The following KDM4A variants were observed in gnomAD, a reference collection of about 807,000 sequenced individuals.
KDM4A encodes the protein lysine demethylase 4A.
In KDM4A, 23 loss-of-function variants were observed where a neutral mutation model predicts 127.1. The observed-to-expected ratio is 0.18, with a 90% CI of 0.13 to 0.26. The LOEUF is 0.26. KDM4A is among the 10% of genes least tolerant of loss of function. KDM4A has a pLI of 1.00. For synonymous variants in KDM4A, 443 were observed against 466.5 expected, an observed-to-expected ratio of 0.95 and a Z score of 0.65; for missense variants, 890 against 1,329.1, an observed-to-expected ratio of 0.67 and a Z score of 5.14.
rs183409515 is a variant in KDM4A, at chr1:43,681,905, A to G, written c.1735-1779A>G. Among the ~76,000 whole-genome samples the G allele has an allele frequency of 2.1e-4, 30 of 141,326 alleles. No homozygotes were observed. The East Asian group carries it at 3.5e-3, about 16-fold the overall frequency. 92.7% of individuals were successfully genotyped at this position (141,326 alleles called of 152,430 possible). A position where few individuals can be genotyped will look rare whatever the true frequency, so the allele number is the denominator to read the frequency against. On this transcript the variant is annotated intron_variant, in intron 11 of 21. Coordinates refer to ENST00000372396, the MANE Select transcript of KDM4A (RefSeq NM_014663.3). ...ACATGCTCCTAAATTTTCTATTTAC[A>G]TGGTTAAGACTGTCGGGCAAGTATG... is the stretch of plus-strand genomic sequence containing the variant.
chr1:43,689,140 T>C lies in KDM4A; in HGVS notation c.2037+45T>C, dbSNP rs558491742. On this transcript the variant is annotated intron_variant, in intron 13 of 21. Transcript: ENST00000372396. Reference sequence around the variant, plus strand: ...TCTGTTTACCCAGGACCAGCAATCATAGGGAAGCTAGATTTAATTGTGAGT... The same window carrying C: ...TCTGTTTACCCAGGACCAGCAATCACAGGGAAGCTAGATTTAATTGTGAGT... 2.1e-5 allele frequency: 34 copies of C among 1,581,694 alleles called. No homozygotes were observed. The East Asian group carries it at 5.6e-4, about 26-fold the overall frequency.
chr1:43,694,747 T>C lies in KDM4A; in HGVS notation c.2523T>C (p.Ala841=). The C allele has an allele frequency of 5.0e-6, 8 of 1,613,400 alleles. No homozygotes were observed. The highest frequency in any genetic ancestry group is 6.8e-6 in the Non-Finnish European group (8 of 1,179,352). Residue 841 remains alanine (A), a synonymous_variant, in exon 18 of 22, where the codon GCT becomes GCC. Transcript: ENST00000372396. This position sits in a 1 kb window ranked among gnomAD's most constrained non-coding sequence, Gnocchi z 5.2. The part of the protein sequence containing the change: ...IFCKKRRKRT[A]GCCVQCSHGR... ...GTAAGAAGCGGAGGAAAAGAACTGC[T>C]GGCTGCTGTGTGCAGTGTTCTCACG... is the stretch of plus-strand genomic sequence containing the variant.
chr1:43,686,686 C>T (rs373787352), intron 12 of KDM4A, among the ~76,000 whole-genome samples: 3 of 152,222 alleles, frequency 2.0e-5, no homozygotes, highest in Admixed American at 2.0e-4. Flanking sequence ...CCTGCATGTC[C>T]CAAGAATGTG....
At chr1:43,659,484 A>C (rs991194141) in intron 3 of KDM4A, among the ~76,000 whole-genome samples, 53 of 151,754 alleles carry the variant, frequency 3.5e-4, no homozygotes, top group African/African-American at 1.2e-3. Context: ...ACGCCCCTCT[A>C]ATTTTTGTAT....
In KDM4A at chr1:43,690,962, G is replaced by A; in HGVS notation, c.2155G>A (p.Asp719Asn). 1 of 1,614,204 alleles carries A rather than the reference G, an allele frequency of 6.2e-7. No individual in the cohort carries two copies. ...CTTCACTTCGACTGGCTGCAGCACG[G>A]ACATCAACCTTTCTACTCCTTATCT... ...MCFTSTGCST[D>N]INLSTPYLEE... The change falls in exon 14 of 22, where the codon GAC becomes AAC. Residue 719 changes from aspartate to asparagine, a missense_variant. Asp to Asn is a conservative substitution (Grantham distance 23, BLOSUM62 1). Transcript: ENST00000372396.
chr1:43,686,263 C>A (rs528823597), intron 12 of KDM4A, among the ~76,000 whole-genome samples: 67 of 140,218 alleles, frequency 4.8e-4, no homozygotes, highest in Non-Finnish European at 8.5e-4. Context: ...GTCTCGAACT[C>A]CTGACCTTGT....
At chr1:43,674,651 G>A (rs532258821) in intron 11 of KDM4A, among the ~76,000 whole-genome samples, 4 of 151,902 alleles carry the variant, frequency 2.6e-5, no homozygotes, top group Admixed American at 1.3e-4. Flanking sequence ...CGAGTAGCTG[G>A]GATTACAGGC....
In KDM4A at chr1:43,694,633, C is replaced by A. The variant is rs1661200163; in HGVS notation, c.2485-76C>A. ...GCTGGCTCTTGCTTGCTTGGCTTTG[C>A]ATTTGGGAGGGGAACAACAGAGGAA... is the stretch of plus-strand genomic sequence containing the variant. On this transcript the variant is annotated intron_variant, in intron 17 of 21. Coordinates refer to ENST00000372396, the MANE Select transcript of KDM4A (RefSeq NM_014663.3). This position sits in a 1 kb window ranked among gnomAD's most constrained non-coding sequence, Gnocchi z 5.2. The A allele has an allele frequency of 7.5e-7, 1 of 1,331,074 alleles. No homozygotes were observed. Among genetic ancestry groups the A allele is most frequent in the Non-Finnish European group, 1.1e-6 (1 of 952,002 alleles). The allele number at this position is 1,331,074 out of a possible 1,614,324, so 82.5% of individuals were successfully genotyped here.
At chr1:43,675,433 G>A (rs147091281) in intron 11 of KDM4A, among the ~76,000 whole-genome samples, 1 of 152,342 alleles carries the variant, frequency 6.6e-6, no homozygotes, top group African/African-American at 2.4e-5. Flanking sequence ...GACTGCCTGA[G>A]AGAAGGAAAC....
At position 43,662,989 on chromosome 1, in the gene KDM4A, C is replaced by T. The variant is rs370671131; in HGVS notation, c.525C>T (p.Tyr175=). 3 of 1,614,062 alleles carry T rather than the reference C, an allele frequency of 1.9e-6. No individual in the cohort carries two copies. The African/African-American group carries it at 4.0e-5, about 22-fold the overall frequency. Residue 175 remains tyrosine (Y), a synonymous_variant, in exon 5 of 22, where the codon TAC becomes TAT. Coordinates refer to ENST00000372396, the MANE Select transcript of KDM4A (RefSeq NM_014663.3). ...CCATTGAGGGTGTGAACACCCCATA[C>T]CTGTACTTTGGCATGTGGAAGACAT... is the stretch of plus-strand genomic sequence containing the variant. ...GITIEGVNTP[Y]LYFGMWKTSF...
Position 43,694,177 on chromosome 1 carries a change from C to A in KDM4A, c.2484+75C>A. On this transcript the variant is annotated intron_variant, in intron 17 of 21. Coordinates refer to ENST00000372396, the MANE Select transcript of KDM4A (RefSeq NM_014663.3). The surrounding 1 kb of genome is among the most constrained non-coding windows in gnomAD (Gnocchi z 5.2). Reference sequence around the variant, plus strand: ...TAGAAGAGAACAGGGACCTCCTGTACCCCTTGGTTTTGGTTAGAGTTTGTG... The same window carrying A: ...TAGAAGAGAACAGGGACCTCCTGTAACCCTTGGTTTTGGTTAGAGTTTGTG... The A allele has an allele frequency of 8.3e-7, 1 of 1,205,468 alleles. No homozygotes were observed. Among genetic ancestry groups the A allele is most frequent in the South Asian group, 1.3e-5 (1 of 75,884 alleles). The allele number at this position is 1,205,468 out of a possible 1,614,324, so 74.7% of individuals were successfully genotyped here. A position where few individuals can be genotyped will look rare whatever the true frequency, so the allele number is the denominator to read the frequency against.
chr1:43,667,837 A>C lies in KDM4A; in HGVS notation c.981A>C (p.Glu327Asp), dbSNP rs1167366229. ...TGTTTGTGAGAAAGTTCCAGCCAGA[A>C]AGGTACAAACTTTGGAAAGCTGGGA... The part of the protein sequence containing the change: ...MDVFVRKFQP[E>D]RYKLWKAGKD... The change falls in exon 9 of 22, where the codon GAA (glutamate) becomes GAC (aspartate). Residue 327 changes from glutamate to aspartate, a missense_variant. By Grantham distance (45) the Glu-to-Asp change is conservative. Around this residue, in one of 7 missense-constraint regions of KDM4A, gnomAD observed 141 missense variants for 273.5 expected, o/e 0.52. Coordinates refer to ENST00000372396, the MANE Select transcript of KDM4A (RefSeq NM_014663.3). The C allele has an allele frequency of 1.9e-6, 3 of 1,614,050 alleles. No individual in the cohort carries two copies. Among genetic ancestry groups the C allele is most frequent in the Non-Finnish European group, 2.5e-6 (3 of 1,180,028 alleles).
At chr1:43,684,676 G>A (rs1413595864) in intron 12 of KDM4A, among the ~76,000 whole-genome samples, 4 of 152,164 alleles carry the variant, frequency 2.6e-5, no homozygotes, top group Non-Finnish European at 5.9e-5. Flanking sequence ...CCTGGATAGC[G>A]TTATCATGGA....
intron 11 of KDM4A, among the ~76,000 whole-genome samples, chr1:43,681,118 T>C (rs949477190): frequency 1.3e-5 from 2 of 152,206 alleles, no homozygotes; most frequent in South Asian, 4.1e-4. Flanking sequence ...TAGTTTCTTA[T>C]TCTTTGTCCA....
chr1:43,701,456 T>C (rs1298478992), intron 19 of KDM4A, among the ~76,000 whole-genome samples: 2 of 152,160 alleles, frequency 1.3e-5, no homozygotes, highest in Non-Finnish European at 2.9e-5. Context: ...TGAAAAGCCA[T>C]AGTTTGTCAG....
chr1:43,659,308 A>T (rs1312511858), intron 3 of KDM4A, among the ~76,000 whole-genome samples: 1 of 151,848 alleles, frequency 6.6e-6, no homozygotes, highest in Non-Finnish European at 1.5e-5. Flanking sequence ...TTTTTAAGGT[A>T]TAGTTTTCTT....
chr1:43,700,959 T>C (rs1440078059), intron 19 of KDM4A, among the ~76,000 whole-genome samples: 5 of 151,598 alleles, frequency 3.3e-5, no homozygotes, highest in African/African-American at 4.9e-5. Flanking sequence ...AGTCTCGCTC[T>C]GTCGCCAGGC....
At chr1:43,674,315 A>G (rs926019361) in intron 11 of KDM4A, among the ~76,000 whole-genome samples, 1 of 152,144 alleles carries the variant, frequency 6.6e-6, no homozygotes, top group African/African-American at 2.4e-5. Flanking sequence ...ATCTTATTAC[A>G]GAGTCAAGTT....
At chr1:43,686,635 C>T (rs2154048276) in intron 12 of KDM4A, among the ~76,000 whole-genome samples, 1 of 152,350 alleles carries the variant, frequency 6.6e-6, no homozygotes, top group Middle Eastern at 3.4e-3. Flanking sequence ...CCGCACCCAG[C>T]CCCACAATAT....
Sources: gnomAD v4.1 joint callset for allele counts (sites outside exome capture counted in the v4.1 genomes callset) on GRCh38, gnomAD v4.1.1 for gene constraint, gnomAD v4.1.1 regional missense constraint, Gnocchi (gnomAD v3.1) non-coding constraint, MANE v1.5 for transcripts, NCBI Gene and HGNC (gene_info 2026-07-23, HGNC 2026-07-21) for gene names.